BPTF: variants seen among roughly 807,000 people sequenced by gnomAD.
The protein encoded by BPTF is nucleosome-remodeling factor subunit BPTF.
Under a neutral mutation model 292.5 loss-of-function variants are expected in BPTF, and 18 were observed. The ratio of observed to expected loss-of-function variants is 0.06; its 90% CI spans 0.04 to 0.09. The LOEUF is 0.09. Ranked by LOEUF, BPTF falls within the 10% of genes least tolerant of loss-of-function variation. BPTF has a pLI of 1.00. For missense variants in BPTF, 2,726 were observed against 3,498.7 expected, an observed-to-expected ratio of 0.78 and a Z score of 5.57; for synonymous variants, 1,225 against 1,251.9, an observed-to-expected ratio of 0.98 and a Z score of 0.45.
At chr17:67,914,747 CG>C (rs1236944286) in intron 11 of BPTF, among the ~76,000 whole-genome samples, 2 of 152,076 alleles carry the variant, frequency 1.3e-5, no homozygotes, top group African/African-American at 2.4e-5. Context: ...AAGTGTTGCT[CG>C]GGGCCCTGTT....
chr17:67,924,943 T>G (rs1403640135), intron 15 of BPTF, among the ~76,000 whole-genome samples: 1 of 152,006 alleles, frequency 6.6e-6, no homozygotes, highest in Non-Finnish European at 1.5e-5. Flanking sequence ...GTGATAGGGC[T>G]TCGCCGTGTT....
intron 26 of BPTF, among the ~76,000 whole-genome samples, chr17:67,973,384 T>A (rs890576210): frequency 4.6e-5 from 7 of 151,412 alleles, no homozygotes; most frequent in Admixed American, 1.3e-4. Context: ...GAAAAAAAAA[T>A]AAAATATATA....
chr17:67,945,284 T>G, intron 20 of BPTF, 125 bp from the exon 21 acceptor site: 1 of 1,481,636 alleles, frequency 6.7e-7, no homozygotes, highest in Non-Finnish European at 8.9e-7. Flanking sequence ...CGTCCCAAGG[T>G]GCACAGGTGT....
At chr17:67,932,177 T>C (rs1370045083) in intron 18 of BPTF, among the ~76,000 whole-genome samples, 158 bp downstream of exon 18, 2 of 152,262 alleles carry the variant, frequency 1.3e-5, no homozygotes, top group African/African-American at 2.4e-5. Context: ...TTCATTGATA[T>C]TATTTCATTT....
At chr17:67,920,371 C>G (rs544001860) in intron 13 of BPTF, among the ~76,000 whole-genome samples, 2 of 152,202 alleles carry the variant, frequency 1.3e-5, no homozygotes, top group Non-Finnish European at 2.9e-5. Flanking sequence ...TATAATAATA[C>G]CTCTTGTAAT....
chr17:67,849,632 G>T (rs1186071289), intron 1 of BPTF, among the ~76,000 whole-genome samples: 3 of 151,914 alleles, frequency 2.0e-5, no homozygotes, highest in Non-Finnish European at 4.4e-5. Flanking sequence ...CACAACCTGG[G>T]AATTGTTAGA....
At chr17:67,979,767 G>T (rs1392112449) in intron 27 of BPTF, among the ~76,000 whole-genome samples, 1 of 152,046 alleles carries the variant, frequency 6.6e-6, no homozygotes. Context: ...CTGGCCGGGC[G>T]CAGTGGCTCA....
Position 67,911,698 on chromosome 17 carries a change from G to A in BPTF, c.3814G>A (p.Ala1272Thr), listed in dbSNP as rs199996143. Residue 1272 changes from alanine to threonine, a missense_variant, in exon 11 of 28, where the codon GCA (alanine) becomes ACA (threonine). Transcript: ENST00000306378. ...NDRDATPLSR[A>T]MDFEGKLGCD... ...CAGAGATGCCACACCTCTGTCAAGAGCAATGGACTTTGAAGGAAAACTGGG... is the reference window on the plus strand; with the variant it reads ...CAGAGATGCCACACCTCTGTCAAGAACAATGGACTTTGAAGGAAAACTGGG... The A allele has an allele frequency of 4.9e-5, 79 of 1,614,068 alleles. No homozygotes were observed. The highest frequency in any genetic ancestry group is 5.8e-5 in the Non-Finnish European group (68 of 1,180,044).
At chr17:67,865,108 T>C (rs993712545) in intron 2 of BPTF, among the ~76,000 whole-genome samples, 31 of 152,174 alleles carry the variant, frequency 2.0e-4, no homozygotes, top group African/African-American at 7.2e-4. Flanking sequence ...GCCCAGCCAG[T>C]TGATCATTCC....
intron 18 of BPTF, among the ~76,000 whole-genome samples, chr17:67,938,629 A>G (rs963601511): frequency 2.0e-5 from 3 of 152,102 alleles, no homozygotes; most frequent in African/African-American, 7.2e-5. Flanking sequence ...GTTTGGGGGG[A>G]AAATAGACTT....
At chr17:67,916,932 A>G (rs76591825) in intron 11 of BPTF, among the ~76,000 whole-genome samples, 8 of 152,104 alleles carry the variant, frequency 5.3e-5, no homozygotes, top group African/African-American at 1.9e-4. Context: ...TCAACAAAGT[A>G]TTCAGTTACA....
At chr17:67,870,762 A>ATTT (rs1324444451) in intron 3 of BPTF, among the ~76,000 whole-genome samples, 5 of 80,222 alleles carry the variant, frequency 6.2e-5, no homozygotes, top group African/African-American at 2.1e-4. Flanking sequence ...AAAATGCTTC[A>ATTT]TTTCTTTTTT....
At chr17:67,907,887 C>G (rs1036856174) in intron 9 of BPTF, among the ~76,000 whole-genome samples, 1 of 152,050 alleles carries the variant, frequency 6.6e-6, no homozygotes, top group Admixed American at 6.5e-5. Flanking sequence ...TTAGAGATAC[C>G]TTTTTACTGT....
intron 9 of BPTF, among the ~76,000 whole-genome samples, chr17:67,908,279 C>A (rs1219632301): frequency 3.3e-5 from 5 of 152,004 alleles, no homozygotes; most frequent in African/African-American, 1.2e-4. Flanking sequence ...CTGCTTCAGT[C>A]TCCCAAGTAG....
At chr17:67,973,549 G>C (rs1388977950) in intron 26 of BPTF, among the ~76,000 whole-genome samples, 1 of 151,772 alleles carries the variant, frequency 6.6e-6, no homozygotes, top group Non-Finnish European at 1.5e-5. Flanking sequence ...TGTTGCACAA[G>C]CAGTGGTGAG....
Position 67,923,245 on chromosome 17 carries a change from A to G in BPTF, c.5708+255A>G, listed in dbSNP as rs142646584. On this transcript the variant is annotated intron_variant, in intron 14 of 27. Transcript: ENST00000306378. ...TAATGTTTGTATTTTTTGTACAGAGATGGGGTTTTGCTATGTTGTTCAGGC... is the reference window on the plus strand; with the variant it reads ...TAATGTTTGTATTTTTTGTACAGAGGTGGGGTTTTGCTATGTTGTTCAGGC... Among the ~76,000 whole-genome samples the G allele has an allele frequency of 9.2e-4, 140 of 151,764 alleles. 1 individual carries two copies. Among genetic ancestry groups the G allele is most frequent in the African/African-American group, 3.1e-3 (127 of 41,400 alleles).
chr17:67,974,094 A>G (rs2069108557), intron 26 of BPTF: 1 of 152,210 alleles, frequency 6.6e-6, no homozygotes, highest in Admixed American at 6.5e-5. Context: ...TAAAATATTC[A>G]CTAACCTTTA....
At chr17:67,928,018 G>A (rs2064063540) in intron 15 of BPTF, among the ~76,000 whole-genome samples, 1 of 152,014 alleles carries the variant, frequency 6.6e-6, no homozygotes, top group Non-Finnish European at 1.5e-5. Flanking sequence ...CGAGTAGTTA[G>A]AATTACAGGC....
rs2065779367 is a variant in BPTF at position 67,945,959 on chromosome 17, C to T, written c.7251C>T (p.Ser2417=). ...GQTLNQVTVS[S]PSRPQLQIQQ... is the part of the protein sequence containing the mutation. ...CTTTAAATCAAGTTACTGTTTCATC[C>T]CCATCCCGTCCTCAGCTACAAATAC... The change falls in exon 21 of 28, where the codon TCC becomes TCT. Residue 2417 remains serine, a synonymous_variant. Coordinates refer to ENST00000306378, the MANE Select transcript of BPTF (RefSeq NM_182641.4). The T allele has an allele frequency of 6.2e-7, 1 of 1,614,038 alleles. No homozygotes were observed. Among genetic ancestry groups the T allele is most frequent in the African/African-American group, 1.3e-5 (1 of 74,888 alleles).
Sources: gnomAD v4.1 joint callset for allele counts (sites outside exome capture counted in the v4.1 genomes callset) on GRCh38, gnomAD v4.1.1 for gene constraint, MANE v1.5 for transcripts, NCBI Gene and HGNC (gene_info 2026-07-23, HGNC 2026-07-21) for gene names.